The following NR3C2 variants were observed in gnomAD, a reference collection of about 807,000 sequenced individuals.
NR3C2 encodes the protein mineralocorticoid receptor.
NR3C2 carries 15 observed loss-of-function variants against 86.4 expected under a neutral mutation model. The ratio of observed to expected loss-of-function variants is 0.17; its 90% CI spans 0.12 to 0.27. NR3C2 has a LOEUF of 0.27. Among genes scored for constraint, NR3C2 ranks in the 10% least tolerant of loss-of-function variants. The probability of loss-of-function intolerance (pLI) is 1.00; values close to 1 mark genes in which losing one functional copy is unlikely to be tolerated. For missense variants in NR3C2, 960 were observed against 1,195.6 expected (o/e 0.80, Z 2.91); for synonymous variants, 458 against 450.5 (o/e 1.02, Z -0.21).
At chr4:148,348,300 G>A (rs1360532892) in intron 2 of NR3C2, among the ~76,000 whole-genome samples, 3 of 152,104 alleles carry the variant, frequency 2.0e-5, no homozygotes, top group East Asian at 1.9e-4. Context: ...TCCCAGAGCA[G>A]CACTTACCAT....
At chr4:148,087,676 A>G (rs1367803484) in intron 8 of NR3C2, among the ~76,000 whole-genome samples, 1 of 152,168 alleles carries the variant, frequency 6.6e-6, no homozygotes, top group Non-Finnish European at 1.5e-5. Context: ...GAAAACTGAA[A>G]CTGGACCCCT....
intron 8 of NR3C2, among the ~76,000 whole-genome samples, chr4:148,096,662 A>G (rs1731289204): frequency 6.6e-6 from 1 of 152,146 alleles, no homozygotes; most frequent in South Asian, 2.1e-4. Flanking sequence ...AGTTTTTTCC[A>G]TGTTTGTGTT....
At position 148,080,039 on chromosome 4, in the gene NR3C2, T is replaced by A. The variant is rs1003523156; in HGVS notation, c.*1305A>T. 3 of 152,180 alleles carry A rather than the reference T, an allele frequency of 2.0e-5. No homozygotes were observed. The highest frequency in any genetic ancestry group is 7.2e-5 in the African/African-American group (3 of 41,448). 9.4% of individuals were successfully genotyped at this position (152,180 alleles called of 1,614,324 possible). On this transcript the variant is annotated 3_prime_UTR_variant, in exon 9 of 9. Transcript: ENST00000358102. Reference sequence around the variant, plus strand: ...AAAGATGCTCTCTGAGCCATCAAGTTCCCAGTCTCACTCTCGTAGAGCTGG... The same window carrying A: ...AAAGATGCTCTCTGAGCCATCAAGTACCCAGTCTCACTCTCGTAGAGCTGG...
intron 3 of NR3C2, among the ~76,000 whole-genome samples, chr4:148,237,156 C>T (rs1458073107): frequency 6.6e-6 from 1 of 152,176 alleles, no homozygotes; most frequent in East Asian, 1.9e-4. Context: ...TTATGACAAT[C>T]ACCAAACTGT....
chr4:148,081,424 T>C lies in NR3C2; in HGVS notation c.2875A>G (p.Met959Val). 5 of 1,614,070 alleles carry C rather than the reference T, an allele frequency of 3.1e-6. No homozygotes were observed. The highest frequency in any genetic ancestry group is 4.2e-6 in the Non-Finnish European group (5 of 1,179,982). Residue 959 changes from methionine (M) to valine (V), a missense_variant, in exon 9 of 9, where the codon ATG (methionine) becomes GTG (valine). By Grantham distance (21) the Met-to-Val change is conservative. Coordinates refer to ENST00000358102, the MANE Select transcript of NR3C2 (RefSeq NM_000901.5). ...SHALKVEFPAMLVEIISDQLP... is the reference protein window; with the variant it reads ...SHALKVEFPAVLVEIISDQLP... ...TGGTCGCTGATGATCTCCACCAGCA[T>C]TGCGGGGAACTCTACCTTCAGCGCA...
chr4:148,248,829 T>C (rs956716553), intron 3 of NR3C2, among the ~76,000 whole-genome samples: 3 of 152,174 alleles, frequency 2.0e-5, no homozygotes, highest in Admixed American at 6.5e-5. Flanking sequence ...CAAGGTGTAA[T>C]ATTACTTAAC....
chr4:148,165,917 T>C (rs922757089), intron 4 of NR3C2, among the ~76,000 whole-genome samples: 1 of 152,216 alleles, frequency 6.6e-6, no homozygotes, highest in Non-Finnish European at 1.5e-5. Flanking sequence ...AGGAAAAGCA[T>C]AGTAAGTACA....
At chr4:148,315,020 AG>A (rs1387089802) in intron 2 of NR3C2, among the ~76,000 whole-genome samples, 1 of 152,238 alleles carries the variant, frequency 6.6e-6, no homozygotes, top group Non-Finnish European at 1.5e-5. Context: ...GGCAAATAGA[AG>A]TCTCAAATAA....
Position 148,426,039 on chromosome 4 carries a change from C to G in NR3C2, c.1757+9065G>C, listed in dbSNP as rs1039004320. On this transcript the variant is annotated intron_variant, in intron 2 of 8. Transcript: ENST00000358102. ...CTCTCTCACATTTTCAGTCTCAGCA[C>G]AAGTCCATTGCCCTCTTCATATTTC... Among the ~76,000 whole-genome samples, 45 of 152,190 alleles carry G rather than the reference C, an allele frequency of 3.0e-4. 1 individual carries two copies. Among genetic ancestry groups the G allele is most frequent in the Non-Finnish European group, 2.9e-5 (2 of 68,038 alleles).
intron 8 of NR3C2, among the ~76,000 whole-genome samples, chr4:148,098,104 G>A (rs186530094): frequency 6.6e-6 from 1 of 152,212 alleles, no homozygotes; most frequent in African/African-American, 2.4e-5. Flanking sequence ...CTCTTTTGGT[G>A]TGACTCTGAT....
At chr4:148,149,644 C>T (rs775759876) in intron 6 of NR3C2, among the ~76,000 whole-genome samples, 1 of 152,158 alleles carries the variant, frequency 6.6e-6, no homozygotes, top group Non-Finnish European at 1.5e-5. Context: ...CACATATTTA[C>T]AAACCATGTA....
At chr4:148,303,240 C>T (rs1040634409) in intron 2 of NR3C2, among the ~76,000 whole-genome samples, 6 of 152,130 alleles carry the variant, frequency 3.9e-5, no homozygotes, top group African/African-American at 1.4e-4. Context: ...TTTTTGCCTA[C>T]ATTTTAGACT....
At chr4:148,364,046 G>A (rs1257355893) in intron 2 of NR3C2, among the ~76,000 whole-genome samples, 2 of 152,062 alleles carry the variant, frequency 1.3e-5, no homozygotes, top group African/African-American at 4.8e-5. Context: ...TAACTTCTGG[G>A]TAAGATGACC....
chr4:148,364,162 T>C (rs894188860), intron 2 of NR3C2, among the ~76,000 whole-genome samples: 1 of 152,208 alleles, frequency 6.6e-6, no homozygotes, highest in African/African-American at 2.4e-5. Flanking sequence ...TAAAACACCA[T>C]ACATAGTGCT....
intron 2 of NR3C2, among the ~76,000 whole-genome samples, chr4:148,308,811 C>T (rs1407981160): frequency 6.6e-6 from 1 of 152,158 alleles, no homozygotes; most frequent in South Asian, 2.1e-4. Flanking sequence ...CACGGTAAAA[C>T]CCCATCTCTA....
chr4:148,206,043 T>C (rs982141090), intron 3 of NR3C2, among the ~76,000 whole-genome samples: 1 of 152,164 alleles, frequency 6.6e-6, no homozygotes, highest in Non-Finnish European at 1.5e-5. Flanking sequence ...GTGAAGCCAG[T>C]CCAGGTCTAA....
intron 4 of NR3C2, among the ~76,000 whole-genome samples, chr4:148,183,389 A>G (rs953782444): frequency 1.8e-4 from 28 of 152,328 alleles, no homozygotes; most frequent in African/African-American, 6.7e-4. Context: ...TCCTTGAGGA[A>G]TCGCCACACT....
chr4:148,100,577 A>T (rs7672951), intron 8 of NR3C2, among the ~76,000 whole-genome samples: 110,805 of 152,072 alleles, frequency 0.73, 40,722 homozygotes, highest in African/African-American at 0.77. Flanking sequence ...ATAACAAGTG[A>T]TCACAAGGAT....
intron 4 of NR3C2, among the ~76,000 whole-genome samples, chr4:148,191,934 T>C (rs902325718): frequency 2.0e-5 from 3 of 152,242 alleles, no homozygotes; most frequent in African/African-American, 7.2e-5. Flanking sequence ...TTTGCCTTTC[T>C]CTGGTCCCTC....
Sources: gnomAD v4.1 joint callset for allele counts (sites outside exome capture counted in the v4.1 genomes callset) on GRCh38, gnomAD v4.1.1 for gene constraint, MANE v1.5 for transcripts, NCBI Gene and HGNC (gene_info 2026-07-23, HGNC 2026-07-21) for gene names.